MAN2B2: variants seen among roughly 807,000 people sequenced by gnomAD.
The protein encoded by MAN2B2 is mannosidase alpha class 2B member 2.
Under a neutral mutation model 117.1 loss-of-function variants are expected in MAN2B2, and 106 were observed. The ratio of observed to expected loss-of-function variants is 0.90; its 90% CI spans 0.77 to 1.06. The LOEUF (loss-of-function observed/expected upper bound fraction) is 1.06, where lower values mean the gene tolerates loss of function less well. MAN2B2 is among the 50% of genes least tolerant of loss of function. The probability of loss-of-function intolerance (pLI) is 0.00; values close to 1 mark genes in which losing one functional copy is unlikely to be tolerated. For missense variants in MAN2B2, 1,326 were observed against 1,381.4 expected, an observed-to-expected ratio of 0.96 and a Z score of 0.64; for synonymous variants, 544 against 595.1, an observed-to-expected ratio of 0.91 and a Z score of 1.25.
chr4:6,599,427 C>A (rs1727232673), intron 9 of MAN2B2, among the ~76,000 whole-genome samples: 1 of 151,970 alleles, frequency 6.6e-6, no homozygotes, highest in African/African-American at 2.4e-5. Context: ...CTTTGGGAGG[C>A]CGAGGCGGGT....
intron 10 of MAN2B2, among the ~76,000 whole-genome samples, chr4:6,602,435 C>A (rs543202289): frequency 6.6e-6 from 1 of 152,098 alleles, no homozygotes; most frequent in Non-Finnish European, 1.5e-5. Flanking sequence ...TCTCTGAGGT[C>A]TTTTTTACGA....
At chr4:6,588,912 G>A in intron 4 of MAN2B2, 133 bp from the exon 5 acceptor site, 1 of 651,344 alleles carries the variant, frequency 1.5e-6, no homozygotes, top group East Asian at 2.7e-5. Context: ...AACGGCAGGG[G>A]AGAGCTCATC....
intron 2 of MAN2B2, 98 bp downstream of exon 2, chr4:6,576,822 C>A (rs1052595316): frequency 2.0e-6 from 3 of 1,466,752 alleles, no homozygotes; most frequent in Non-Finnish European, 1.9e-6. Flanking sequence ...CAGGGCCAGG[C>A]TGGCATAAAC....
At chr4:6,612,202 C>T (rs1711603480) in intron 15 of MAN2B2, among the ~76,000 whole-genome samples, 1 of 152,244 alleles carries the variant, frequency 6.6e-6, no homozygotes. Context: ...ATACTGAGCA[C>T]TTGCAGTGTG....
intron 15 of MAN2B2, among the ~76,000 whole-genome samples, chr4:6,613,837 A>T (rs1013418650): frequency 3.3e-5 from 5 of 150,048 alleles, no homozygotes; most frequent in Non-Finnish European, 7.4e-5. Context: ...AGGAAAAAAG[A>T]GGGAGGGAGG....
At chr4:6,578,039 T>C (rs1186963568) in intron 2 of MAN2B2, among the ~76,000 whole-genome samples, 1 of 151,896 alleles carries the variant, frequency 6.6e-6, no homozygotes, top group Non-Finnish European at 1.5e-5. Context: ...GAGACGGGGA[T>C]GTTAAGCAAA....
intron 18 of MAN2B2, 86 bp from the exon 19 acceptor site, chr4:6,621,101 CA>C (rs1297102337): frequency 2.2e-6 from 2 of 924,484 alleles, no homozygotes; most frequent in Non-Finnish European, 3.5e-6. Context: ...GGAGCCACAG[CA>C]GACTGTAGAC....
At chr4:6,586,423 G>A (rs1450187052) in intron 3 of MAN2B2, among the ~76,000 whole-genome samples, 1 of 152,114 alleles carries the variant, frequency 6.6e-6, no homozygotes, top group African/African-American at 2.4e-5. Flanking sequence ...TTTATTGTTG[G>A]TGATGTCCAA....
At position 6,578,439 on chromosome 4, in the gene MAN2B2, G is replaced by T; in HGVS notation, c.332G>T (p.Gly111Val). The T allele has an allele frequency of 2.5e-6, 4 of 1,613,712 alleles. No homozygotes were observed. The South Asian group carries it at 4.4e-5, about 18-fold the overall frequency. ...GGACGCCTGGAATTTGTCATCGGAG[G>T]CCAGGTCATGCATGACGAGGCTGTG... ...EEGRLEFVIG[G>V]QVMHDEAVTH... The change falls in exon 3 of 19, where the codon GGC (glycine) becomes GTC (valine). Residue 111 changes from glycine (G) to valine (V), a missense_variant. Physicochemically the swap from Gly to Val is moderately radical, Grantham distance 109 (BLOSUM62 -3). Transcript: ENST00000285599.
intron 4 of MAN2B2, among the ~76,000 whole-genome samples, chr4:6,587,390 C>T (rs1726677975): frequency 6.6e-6 from 1 of 152,358 alleles, no homozygotes; most frequent in South Asian, 2.1e-4. Flanking sequence ...GCAGGCACAG[C>T]TTGGCTGCCT....
chr4:6,593,397 C>T, intron 6 of MAN2B2, 47 bp downstream of exon 6: 1 of 1,561,152 alleles, frequency 6.4e-7, no homozygotes, highest in Non-Finnish European at 8.7e-7. Context: ...GCCCAAGGAG[C>T]ACTATGCAAG....
At chr4:6,576,429 G>T in intron 1 of MAN2B2, 149 bp from the exon 2 acceptor site, 1 of 866,968 alleles carries the variant, frequency 1.2e-6, no homozygotes, top group Non-Finnish European at 1.8e-6. Flanking sequence ...GGTATGGAGC[G>T]AGTGCCTAAT....
chr4:6,598,540 A>ATT (rs1727201763), intron 9 of MAN2B2, among the ~76,000 whole-genome samples, 186 bp downstream of exon 9: 1 of 152,212 alleles, frequency 6.6e-6, no homozygotes, highest in Non-Finnish European at 1.5e-5. Context: ...CATCCGTGCA[A>ATT]TGAGGAAGGG....
chr4:6,596,825 G>A (rs779463469), intron 7 of MAN2B2, among the ~76,000 whole-genome samples: 2 of 152,092 alleles, frequency 1.3e-5, no homozygotes, highest in African/African-American at 2.4e-5. Context: ...GCTTGCCTCC[G>A]ATCAGGATCC....
chr4:6,603,991 T>C (rs4234763), intron 10 of MAN2B2, among the ~76,000 whole-genome samples: 140,133 of 152,232 alleles, frequency 0.92, 65,629 homozygotes, highest in East Asian at 1. Context: ...TCAGACACCT[T>C]GGAGGTGAGC....
At position 6,594,694 on chromosome 4, in the gene MAN2B2, GT is replaced by G. The variant is rs775936290; in HGVS notation, c.1020del (p.Val341SerfsTer28). 1 of 1,612,684 alleles carries G rather than the reference GT, an allele frequency of 6.2e-7. No homozygotes were observed. The highest frequency in any genetic ancestry group is 8.5e-7 in the Non-Finnish European group (1 of 1,179,964). On this transcript the variant is annotated frameshift_variant, in exon 7 of 19. Transcript: ENST00000285599. LOFTEE classifies it high-confidence loss of function. The part of the protein sequence containing the change: ...RALHALNVTW[R>X]VRDHHDFLPY... ...CTGCACGCTCTCAATGTCACCTGGC[GT>G]GTCCGCGACCACCACGACTTCCTGC...
chr4:6,610,067 C>T lies in MAN2B2; in HGVS notation c.2259+17C>T. 6.2e-7 allele frequency: 1 copy of T among 1,613,026 alleles called. No individual in the cohort carries two copies. Among genetic ancestry groups the T allele is most frequent in the Non-Finnish European group, 8.5e-7 (1 of 1,179,242 alleles). ...ATCGCCCGGGTATGTCCTGCAATGC[C>T]CACAAGGCACGCTCCCAATGGCGCC... On this transcript the variant is annotated intron_variant, in intron 13 of 18. Transcript: ENST00000285599.
At chr4:6,593,016 A>T (rs1399984232) in intron 5 of MAN2B2, among the ~76,000 whole-genome samples, 157 bp from the exon 6 acceptor site, 1 of 152,208 alleles carries the variant, frequency 6.6e-6, no homozygotes, top group Non-Finnish European at 1.5e-5. Flanking sequence ...GAGCAAACAA[A>T]TCTGTGACCC....
chr4:6,621,433 G>A lies in MAN2B2; in HGVS notation c.*148G>A. 1.6e-6 allele frequency: 1 copy of A among 625,326 alleles called. No individual in the cohort carries two copies. Among genetic ancestry groups the A allele is most frequent in the South Asian group, 2.3e-5 (1 of 42,778 alleles). The allele number at this position is 625,326 out of a possible 1,614,324, so 38.7% of individuals were successfully genotyped here. A position where few individuals can be genotyped will look rare whatever the true frequency, so the allele number is the denominator to read the frequency against. On this transcript the variant is annotated 3_prime_UTR_variant, in exon 19 of 19. Transcript: ENST00000285599. ...CTAATGGCAGGAAATGGTCATATTT[G>A]GGGTTTTTCCCTAATTTTTTTAAAC... is the stretch of plus-strand genomic sequence containing the variant.
Sources: gnomAD v4.1 joint callset for allele counts (sites outside exome capture counted in the v4.1 genomes callset) on GRCh38, gnomAD v4.1.1 for gene constraint, MANE v1.5 for transcripts, NCBI Gene and HGNC (gene_info 2026-07-23, HGNC 2026-07-21) for gene names.